The following KCNH8 variants were observed in gnomAD, a reference collection of about 807,000 sequenced individuals.
KCNH8 encodes potassium voltage-gated channel subfamily H member 8.
Under a neutral mutation model 103.6 loss-of-function variants are expected in KCNH8, and 70 were observed. That is an observed-to-expected ratio of 0.68 (90% CI 0.56 to 0.82). The LOEUF is 0.82. Ranked by LOEUF, KCNH8 falls within the 40% of genes least tolerant of loss-of-function variation. The pLI, the probability that KCNH8 is intolerant of heterozygous loss-of-function variation, is 0.00. For synonymous variants in KCNH8, 498 were observed against 489.4 expected, an observed-to-expected ratio of 1.02 and a Z score of -0.23; for missense variants, 1,217 against 1,329.9, an observed-to-expected ratio of 0.92 and a Z score of 1.32.
rs982777416 is a variant in KCNH8, at chr3:19,535,108, G to T, written c.*1009G>T. The T allele has an allele frequency of 7.2e-5, 11 of 152,138 alleles. No individual in the cohort carries two copies. The highest frequency in any genetic ancestry group is 2.7e-4 in the African/African-American group (11 of 41,414). 9.4% of individuals were successfully genotyped at this position (152,138 alleles called of 1,614,324 possible). On this transcript the variant is annotated 3_prime_UTR_variant, in exon 16 of 16. Transcript: ENST00000328405. The stretch of plus-strand genomic sequence containing the variant: ...CTAGGTATCGTATTTTGTTGCTCAA[G>T]AATCCAAAATGGGTCTGTGGACATA...
At chr3:19,236,933 A>T (rs1033583931) in intron 1 of KCNH8, among the ~76,000 whole-genome samples, 6 of 152,188 alleles carry the variant, frequency 3.9e-5, no homozygotes, top group African/African-American at 7.2e-5. Flanking sequence ...TGACTTTATT[A>T]TTCTGTTTTG....
intron 5 of KCNH8, among the ~76,000 whole-genome samples, chr3:19,371,596 C>G (rs1002767849): frequency 1.3e-5 from 2 of 150,078 alleles, no homozygotes. Context: ...TTTTGCTGTG[C>G]AGAAGCTCTT....
chr3:19,307,666 G>C (rs922162424), intron 3 of KCNH8, among the ~76,000 whole-genome samples: 9 of 151,938 alleles, frequency 5.9e-5, no homozygotes, highest in Non-Finnish European at 1.2e-4. Flanking sequence ...AAAAACAGAT[G>C]CATGAATGAA....
rs556942873 is a variant in KCNH8 at position 19,212,123 on chromosome 3, C to G, written c.77-41531C>G. 1.4e-4 allele frequency among the ~76,000 whole-genome samples: 21 copies of G among 152,260 alleles called. No homozygotes were observed. In the South Asian group the frequency reaches 4.1e-3, roughly 30 times the overall value. ...GGGATTACATTATCACCTCTTTTAT[C>G]CAGATAGTAATAGCTGTGGTTTATT... On this transcript the variant is annotated intron_variant, in intron 1 of 15. Transcript: ENST00000328405.
chr3:19,371,808 CCAGTTT>C lies in KCNH8; in HGVS notation c.812-18669_812-18664del, dbSNP rs1296119189. Among the ~76,000 whole-genome samples, 3 of 151,172 alleles carry C rather than the reference CCAGTTT, an allele frequency of 2.0e-5. No individual in the cohort carries two copies. In the East Asian group the frequency reaches 5.8e-4, roughly 29 times the overall value. ...TTTGTATAAGATGTAAGGAAGGGAT[CCAGTTT>C]CAGCTTTCTACATATGGCTAGCCAG... On this transcript the variant is annotated intron_variant, in intron 5 of 15. Coordinates refer to ENST00000328405, the MANE Select transcript of KCNH8 (RefSeq NM_144633.3).
At chr3:19,452,085 C>G (rs1168262406) in intron 10 of KCNH8, among the ~76,000 whole-genome samples, 1 of 152,082 alleles carries the variant, frequency 6.6e-6, no homozygotes, top group Admixed American at 6.6e-5. Context: ...ATGTAGGGCT[C>G]TTTTAAAAAC....
intron 3 of KCNH8, among the ~76,000 whole-genome samples, chr3:19,339,079 C>G (rs1048972511): frequency 1.3e-5 from 2 of 152,068 alleles, no homozygotes; most frequent in African/African-American, 2.4e-5. Flanking sequence ...ATTTTCAACC[C>G]AATCTTGCAT....
In KCNH8 at chr3:19,342,730, G is replaced by T; in HGVS notation, c.570+16G>T. On this transcript the variant is annotated intron_variant, in intron 4 of 15. Transcript: ENST00000328405. ...AATAAATAACGTAGGTGGTATGTGTGTACAGGATGAATGCTAGTGTTTCCC... is the reference window on the plus strand; with the variant it reads ...AATAAATAACGTAGGTGGTATGTGTTTACAGGATGAATGCTAGTGTTTCCC... 1.3e-6 allele frequency: 2 copies of T among 1,594,442 alleles called. No homozygotes were observed. The highest frequency in any genetic ancestry group is 1.7e-6 in the Non-Finnish European group (2 of 1,167,414).
At chr3:19,308,858 A>G (rs2065174751) in intron 3 of KCNH8, among the ~76,000 whole-genome samples, 1 of 143,956 alleles carries the variant, frequency 6.9e-6, no homozygotes, top group Non-Finnish European at 1.5e-5. Context: ...CTCAGAGCAA[A>G]TTTTATTTTC....
chr3:19,440,486 T>A (rs1222939183), intron 8 of KCNH8, among the ~76,000 whole-genome samples: 1 of 152,180 alleles, frequency 6.6e-6, no homozygotes, highest in Non-Finnish European at 1.5e-5. Flanking sequence ...ACATTTCACA[T>A]GGTGGCAGGC....
At position 19,534,041 on chromosome 3, in the gene KCNH8, C is replaced by T. The variant is rs771417368; in HGVS notation, c.3266C>T (p.Pro1089Leu). Residue 1089 changes from proline (P) to leucine (L), a missense_variant, in exon 16 of 16, where the codon CCA becomes CTA. Physicochemically the swap from Pro to Leu is moderately conservative, Grantham distance 98. Coordinates refer to ENST00000328405, the MANE Select transcript of KCNH8 (RefSeq NM_144633.3). ...SASTKPLENL[P>L]LEVVTSTAEV... ...TCTACAAAACCTTTGGAGAACCTTC[C>T]ACTGGAAGTTGTCACAAGCACAGCA... The T allele has an allele frequency of 9.4e-5, 152 of 1,614,000 alleles. No individual in the cohort carries two copies. The highest frequency in any genetic ancestry group is 1.3e-4 in the Non-Finnish European group (151 of 1,180,020).
At chr3:19,374,272 G>A (rs2066153821) in intron 5 of KCNH8, among the ~76,000 whole-genome samples, 1 of 151,618 alleles carries the variant, frequency 6.6e-6, no homozygotes. Flanking sequence ...CTCAGGACTG[G>A]CTTTATGAAT....
At chr3:19,336,462 T>C (rs2065586612) in intron 3 of KCNH8, among the ~76,000 whole-genome samples, 2 of 152,018 alleles carry the variant, frequency 1.3e-5, no homozygotes, top group Non-Finnish European at 2.9e-5. Flanking sequence ...TCCATGAGCA[T>C]ATGAAAAGAA....
chr3:19,505,387 C>T (rs1341538857), intron 11 of KCNH8, among the ~76,000 whole-genome samples: 1 of 152,056 alleles, frequency 6.6e-6, no homozygotes, highest in East Asian at 1.9e-4. Flanking sequence ...ATAATCTGTA[C>T]ATCAAACCCC....
At chr3:19,241,673 T>C (rs965396691) in intron 1 of KCNH8, among the ~76,000 whole-genome samples, 4 of 152,074 alleles carry the variant, frequency 2.6e-5, no homozygotes, top group African/African-American at 9.7e-5. Flanking sequence ...GAAAAATGTG[T>C]GTGTGTATGT....
intron 1 of KCNH8, among the ~76,000 whole-genome samples, chr3:19,181,298 A>G (rs1161298589): frequency 6.6e-6 from 1 of 152,118 alleles, no homozygotes; most frequent in Non-Finnish European, 1.5e-5. Context: ...GCTTTGTTCT[A>G]TATTTCATTT....
At chr3:19,506,630 C>G (rs2068699239) in intron 11 of KCNH8, among the ~76,000 whole-genome samples, 1 of 152,126 alleles carries the variant, frequency 6.6e-6, no homozygotes, top group Admixed American at 6.5e-5. Context: ...CTCTCCTGGG[C>G]TGCACACTGC....
At chr3:19,332,053 G>GTTTTT (rs11417836) in intron 3 of KCNH8, among the ~76,000 whole-genome samples, 1 of 140,818 alleles carries the variant, frequency 7.1e-6, no homozygotes, top group Non-Finnish European at 1.5e-5. Context: ...CATTACGTTA[G>GTTTTT]TTTTTTTTTT....
intron 3 of KCNH8, among the ~76,000 whole-genome samples, chr3:19,311,767 A>C (rs1034383265): frequency 2.6e-5 from 4 of 151,906 alleles, no homozygotes; most frequent in African/African-American, 9.7e-5. Context: ...AGAGCCAAAG[A>C]GACATTATGA....
Sources: allele counts gnomAD v4.1 joint callset (sites outside exome capture counted in the v4.1 genomes callset), GRCh38; gene constraint gnomAD v4.1.1; transcripts MANE v1.5; gene names NCBI Gene and HGNC (gene_info 2026-07-23, HGNC 2026-07-21).